The following IMMP2L variants were observed in gnomAD, a reference collection of about 807,000 sequenced individuals.
The protein encoded by IMMP2L is mitochondrial inner membrane protease subunit 2.
IMMP2L carries 18 observed loss-of-function variants against 19.3 expected under a neutral mutation model. The ratio of observed to expected loss-of-function variants is 0.93; its 90% CI spans 0.64 to 1.38. IMMP2L has a LOEUF of 1.38. IMMP2L is among the 40% of genes most tolerant of loss of function. IMMP2L has a pLI of 0.00. For synonymous variants in IMMP2L, 76 were observed against 73.0 expected, an observed-to-expected ratio of 1.04 and a Z score of -0.21; for missense variants, 233 against 218.2, an observed-to-expected ratio of 1.07 and a Z score of -0.43.
At chr7:111,416,498 T>A (rs1834966860) in intron 3 of IMMP2L, among the ~76,000 whole-genome samples, 1 of 151,886 alleles carries the variant, frequency 6.6e-6, no homozygotes, top group Non-Finnish European at 1.5e-5. Flanking sequence ...ATATTAAGCA[T>A]GTCAACCAAA....
chr7:110,687,588 G>T (rs1793205034), intron 5 of IMMP2L, among the ~76,000 whole-genome samples: 1 of 151,918 alleles, frequency 6.6e-6, no homozygotes, highest in Non-Finnish European at 1.5e-5. Context: ...ATTAATTTTG[G>T]CATTACATAT....
intron 3 of IMMP2L, among the ~76,000 whole-genome samples, chr7:111,203,253 C>A (rs1373676305): frequency 6.6e-6 from 1 of 151,930 alleles, no homozygotes; most frequent in Non-Finnish European, 1.5e-5. Context: ...TTATTGAGGG[C>A]ATCCTATATA....
At chr7:111,495,702 T>C (rs187297172) in intron 2 of IMMP2L, among the ~76,000 whole-genome samples, 1 of 152,324 alleles carries the variant, frequency 6.6e-6, no homozygotes, top group Admixed American at 6.5e-5. Context: ...AATCAATAAA[T>C]GATATTATTC....
At chr7:111,356,609 T>C (rs1187101009) in intron 3 of IMMP2L, among the ~76,000 whole-genome samples, 1 of 152,126 alleles carries the variant, frequency 6.6e-6, no homozygotes, top group Admixed American at 6.6e-5. Context: ...ACTGAAAAGT[T>C]TTAGAAGAAT....
At chr7:111,304,358 T>C (rs985513779) in intron 3 of IMMP2L, among the ~76,000 whole-genome samples, 60 of 151,640 alleles carry the variant, frequency 4.0e-4, no homozygotes, top group African/African-American at 1.4e-3. Context: ...AAAAAATATA[T>C]GAATGGAGGT....
intron 4 of IMMP2L, among the ~76,000 whole-genome samples, chr7:110,920,372 T>G (rs1371745145): frequency 6.6e-6 from 1 of 152,196 alleles, no homozygotes; most frequent in Admixed American, 6.5e-5. Context: ...TGAAATGTGA[T>G]GTACCAGGTG....
intron 5 of IMMP2L, among the ~76,000 whole-genome samples, chr7:110,881,568 G>C (rs1809633546): frequency 6.6e-6 from 1 of 152,072 alleles, no homozygotes; most frequent in Non-Finnish European, 1.5e-5. Flanking sequence ...TTTTTTCAAA[G>C]AAAGTGTGAA....
At chr7:111,308,880 G>A (rs1355896787) in intron 3 of IMMP2L, among the ~76,000 whole-genome samples, 4 of 151,972 alleles carry the variant, frequency 2.6e-5, no homozygotes, top group Non-Finnish European at 5.9e-5. Flanking sequence ...CAAGTACCAT[G>A]TGCCACCTTA....
intron 3 of IMMP2L, among the ~76,000 whole-genome samples, chr7:111,364,671 A>G (rs1829593584): frequency 6.6e-6 from 1 of 151,146 alleles, no homozygotes; most frequent in African/African-American, 2.4e-5. Flanking sequence ...GAAATATTTT[A>G]TATAAACTAT....
At chr7:111,160,395 A>G (rs1189673568) in intron 3 of IMMP2L, among the ~76,000 whole-genome samples, 1 of 152,068 alleles carries the variant, frequency 6.6e-6, no homozygotes, top group Non-Finnish European at 1.5e-5. Context: ...TGCAATTTCT[A>G]TAGATCACAT....
At chr7:111,069,947 C>G (rs931170403) in intron 3 of IMMP2L, among the ~76,000 whole-genome samples, 1 of 152,080 alleles carries the variant, frequency 6.6e-6, no homozygotes. Context: ...CCTTGGGTAC[C>G]GGCATCCCTA....
intron 3 of IMMP2L, among the ~76,000 whole-genome samples, chr7:111,171,064 T>C (rs1316007067): frequency 6.6e-6 from 1 of 151,744 alleles, no homozygotes; most frequent in East Asian, 1.9e-4. Context: ...ATTTCATAGG[T>C]TTACTTTTAC....
At chr7:110,918,989 T>G (rs149028948) in intron 4 of IMMP2L, among the ~76,000 whole-genome samples, 1 of 152,092 alleles carries the variant, frequency 6.6e-6, no homozygotes, top group Non-Finnish European at 1.5e-5. Context: ...CAAAAGATAA[T>G]TGAGTAGATT....
At position 110,803,878 on chromosome 7, in the gene IMMP2L, C is replaced by T. The variant is rs978080567; in HGVS notation, c.408+82715G>A. 1.3e-5 allele frequency among the ~76,000 whole-genome samples: 2 copies of T among 152,000 alleles called. No individual in the cohort carries two copies. Among genetic ancestry groups the T allele is most frequent in the African/African-American group, 4.8e-5 (2 of 41,418 alleles). On this transcript the variant is annotated intron_variant, in intron 5 of 5. Transcript: ENST00000405709. The surrounding 1 kb of genome is among the most constrained non-coding windows in gnomAD (Gnocchi z 4.2). ...GCAAATTATCTTGCCCCACCTAAGA[C>T]CTGGTGAATTACAAAGTCTGGGGGT... is the stretch of plus-strand genomic sequence containing the variant.
chr7:111,450,972 C>T (rs1839095057), intron 3 of IMMP2L, among the ~76,000 whole-genome samples: 1 of 151,586 alleles, frequency 6.6e-6, no homozygotes, highest in Non-Finnish European at 1.5e-5. Flanking sequence ...CTCATCATCA[C>T]TGGCCATCAG....
At position 111,214,519 on chromosome 7, in the gene IMMP2L, T is replaced by G. The variant is rs557742665; in HGVS notation, c.240-250954A>C. Reference sequence around the variant, plus strand: ...CACCAAATCTGTTTTTTTTTTTTTTTTTTTTTTTAATGTAGTAGAGACAGG... The same window carrying G: ...CACCAAATCTGTTTTTTTTTTTTTTGTTTTTTTTAATGTAGTAGAGACAGG... On this transcript the variant is annotated intron_variant, in intron 3 of 5. Transcript: ENST00000405709. 4.8e-5 allele frequency among the ~76,000 whole-genome samples: 7 copies of G among 144,530 alleles called. No individual in the cohort carries two copies. In the South Asian group the frequency reaches 8.9e-4, roughly 18 times the overall value. 94.8% of individuals were successfully genotyped at this position (144,530 alleles called of 152,430 possible).
intron 5 of IMMP2L, among the ~76,000 whole-genome samples, chr7:110,678,134 G>A (rs988897385): frequency 6.6e-6 from 1 of 151,972 alleles, no homozygotes; most frequent in Non-Finnish European, 1.5e-5. Context: ...AAAATCGAAA[G>A]AGTTCCAAAA....
At chr7:110,860,978 A>G (rs1807331485) in intron 5 of IMMP2L, among the ~76,000 whole-genome samples, 1 of 133,444 alleles carries the variant, frequency 7.5e-6, no homozygotes, top group Admixed American at 7.5e-5. Flanking sequence ...TACTAATGTC[A>G]TTATTTACTG....
intron 3 of IMMP2L, among the ~76,000 whole-genome samples, chr7:111,378,313 C>G (rs1211127283): frequency 6.6e-6 from 1 of 151,702 alleles, no homozygotes; most frequent in South Asian, 2.1e-4. Context: ...AAAGGACCAC[C>G]CAAAAAGTTT....
Sources: allele counts gnomAD v4.1 joint callset (sites outside exome capture counted in the v4.1 genomes callset), GRCh38; gene constraint gnomAD v4.1.1; non-coding constraint Gnocchi (gnomAD v3.1); transcripts MANE v1.5; gene names NCBI Gene and HGNC (gene_info 2026-07-23, HGNC 2026-07-21).